The following COLEC11 variants were observed in gnomAD, a reference collection of about 807,000 sequenced individuals.
The protein encoded by COLEC11 is collectin subfamily member 11.
A neutral mutation model predicts 27.3 loss-of-function variants in COLEC11; 20 were observed. The ratio of observed to expected loss-of-function variants is 0.73; its 90% CI spans 0.51 to 1.06. COLEC11 has a LOEUF of 1.06. Ranked by LOEUF, COLEC11 falls within the 50% of genes least tolerant of loss-of-function variation. COLEC11 has a pLI of 0.00. For synonymous variants in COLEC11, 163 were observed against 154.7 expected (o/e 1.05, Z -0.40); for missense variants, 310 against 383.0 (o/e 0.81, Z 1.59).
In COLEC11 at chr2:3,604,202, C is replaced by A. The variant is rs906401505; in HGVS notation, c.-26-113C>A. ...GGAGCACCCGCCATGGGGGCCCAGA[C>A]AGCCCTTCCAGGCACCAGGAGGGCT... On this transcript the variant is annotated intron_variant, in intron 1 of 6. Coordinates refer to ENST00000349077, the MANE Select transcript of COLEC11 (RefSeq NM_024027.5). The A allele has an allele frequency of 3.4e-5, 39 of 1,159,264 alleles. No individual in the cohort carries two copies. In the Admixed American group the frequency reaches 6.9e-4, roughly 20 times the overall value. 71.8% of individuals were successfully genotyped at this position (1,159,264 alleles called of 1,614,324 possible).
chr2:3,600,340 A>G (rs1352740537), intron 1 of COLEC11, among the ~76,000 whole-genome samples: 1 of 152,050 alleles, frequency 6.6e-6, no homozygotes, highest in African/African-American at 2.4e-5. Context: ...AGATCACTTC[A>G]GCCCAGGAGT....
chr2:3,622,638 G>T (rs1321768676), intron 3 of COLEC11, among the ~76,000 whole-genome samples: 7 of 152,112 alleles, frequency 4.6e-5, no homozygotes, highest in Admixed American at 4.6e-4. Flanking sequence ...ACAGGAGTGG[G>T]TTAGTTATCA....
chr2:3,606,649 G>A (rs1410781757), intron 2 of COLEC11, among the ~76,000 whole-genome samples: 1 of 152,236 alleles, frequency 6.6e-6, no homozygotes, highest in Non-Finnish European at 1.5e-5. Flanking sequence ...CAGGCAGCGA[G>A]CCCGACCAGG....
intron 2 of COLEC11, among the ~76,000 whole-genome samples, chr2:3,608,590 A>G (rs932456288): frequency 6.6e-5 from 10 of 152,246 alleles, no homozygotes; most frequent in South Asian, 6.2e-4. Context: ...TGGGAAGCCG[A>G]GGTGGGAGGA....
At chr2:3,642,784 C>T (rs1276459752) in intron 5 of COLEC11, among the ~76,000 whole-genome samples, 2 of 152,306 alleles carry the variant, frequency 1.3e-5, no homozygotes, top group Admixed American at 1.3e-4. Context: ...TGGGCGCGGC[C>T]TGCCTTCCTC....
intron 2 of COLEC11, chr2:3,605,907 C>T (rs1048845728): frequency 1.4e-5 from 9 of 657,496 alleles, no homozygotes; most frequent in East Asian, 3.4e-5. Context: ...TGTGTTAGCC[C>T]TGCTGTTGGA....
chr2:3,618,215 T>A (rs944535952), intron 3 of COLEC11, among the ~76,000 whole-genome samples: 4 of 152,212 alleles, frequency 2.6e-5, no homozygotes, highest in Non-Finnish European at 5.9e-5. Flanking sequence ...ACCACTTATT[T>A]ATTTTTGCTT....
At chr2:3,606,904 A>G (rs1346644591) in intron 2 of COLEC11, among the ~76,000 whole-genome samples, 1 of 152,212 alleles carries the variant, frequency 6.6e-6, no homozygotes, top group African/African-American at 2.4e-5. Flanking sequence ...CCAGCTTCTA[A>G]GGAAACAGAC....
chr2:3,632,822 GA>G (rs1268425432), intron 3 of COLEC11, among the ~76,000 whole-genome samples: 1 of 152,206 alleles, frequency 6.6e-6, no homozygotes, highest in Non-Finnish European at 1.5e-5. Flanking sequence ...CCCACTTGGA[GA>G]GGGGCAGCGT....
At chr2:3,634,202 A>G (rs890616531) in intron 3 of COLEC11, among the ~76,000 whole-genome samples, 1 of 152,218 alleles carries the variant, frequency 6.6e-6, no homozygotes, top group African/African-American at 2.4e-5. Flanking sequence ...GGCTGTGTCC[A>G]TCCTTCCGAG....
In COLEC11 at chr2:3,637,485, C is replaced by T. The variant is rs148763047; in HGVS notation, c.203-48C>T. ...TGCACGTGTGTGATGGAGGAGGCCA[C>T]GGTGTCACCTGTGCATCGACCAACT... On this transcript the variant is annotated intron_variant, in intron 3 of 6. Coordinates refer to ENST00000349077, the MANE Select transcript of COLEC11 (RefSeq NM_024027.5). 8,967 of 1,487,172 alleles carry T rather than the reference C, an allele frequency of 6.0e-3. 230 individuals are homozygous for T. The highest frequency in any genetic ancestry group is 0.052 in the Admixed American group (3,136 of 59,846). The allele number at this position is 1,487,172 out of a possible 1,614,324, so 92.1% of individuals were successfully genotyped here.
intron 3 of COLEC11, among the ~76,000 whole-genome samples, chr2:3,634,719 C>T (rs527723032): frequency 1.2e-4 from 19 of 152,232 alleles, no homozygotes; most frequent in African/African-American, 4.1e-4. Context: ...CTCCAGCAGG[C>T]GCTGGACTCA....
chr2:3,606,502 G>T (rs1327467190), intron 2 of COLEC11, among the ~76,000 whole-genome samples: 2 of 152,224 alleles, frequency 1.3e-5, no homozygotes, highest in African/African-American at 4.8e-5. Flanking sequence ...CTCCTGGTCC[G>T]TGAGGTTGGG....
chr2:3,626,093 G>T (rs1664534280), intron 3 of COLEC11: 1 of 1,612,836 alleles, frequency 6.2e-7, no homozygotes, highest in African/African-American at 1.3e-5. Context: ...GGATCACAGG[G>T]TAATGGATCT....
At position 3,643,452 on chromosome 2, in the gene COLEC11, T is replaced by A. The variant is rs544975854; in HGVS notation, c.337T>A (p.Cys113Ser). Residue 113 changes from cysteine to serine, a missense_variant, in exon 6 of 7, where the codon TGT becomes AGT. By Grantham distance (112) the Cys-to-Ser change is moderately radical (BLOSUM62 -1). Transcript: ENST00000349077. ...GGGCCTGGCCCCCGCAGGCCTCCCA[T>A]GTGAGTGCAGCCAGCTGCGCAAGGC... is the stretch of plus-strand genomic sequence containing the variant. ...PGPNGEPGLP[C>S]ECSQLRKAIG... 1 of 1,613,410 alleles carries A rather than the reference T, an allele frequency of 6.2e-7. No individual in the cohort carries two copies.
Position 3,640,320 on chromosome 2 carries a change from A to G in COLEC11, c.317A>G (p.Asn106Ser). The change falls in exon 5 of 7, where the codon AAT becomes AGT. Residue 106 changes from asparagine to serine, a missense_variant. Coordinates refer to ENST00000349077, the MANE Select transcript of COLEC11 (RefSeq NM_024027.5). ...GGTGACATAGGACCCCCTGGTCCTAATGGAGAACCAGGTATGGCATAAAGG... is the reference window on the plus strand; with the variant it reads ...GGTGACATAGGACCCCCTGGTCCTAGTGGAGAACCAGGTATGGCATAAAGG... ...DSGDIGPPGP[N>S]GEPGLPCECS... The G allele has an allele frequency of 6.3e-7, 1 of 1,581,656 alleles. No individual in the cohort carries two copies. Among genetic ancestry groups the G allele is most frequent in the Non-Finnish European group, 8.7e-7 (1 of 1,150,522 alleles).
intron 4 of COLEC11, among the ~76,000 whole-genome samples, chr2:3,637,931 A>C (rs1299515282): frequency 6.6e-6 from 1 of 152,206 alleles, no homozygotes; most frequent in Non-Finnish European, 1.5e-5. Flanking sequence ...TAACAGACTT[A>C]GAGCCTCACG....
Position 3,602,843 on chromosome 2 carries a change from C to T in COLEC11, c.-26-1472C>T, listed in dbSNP as rs1312644737. Among the ~76,000 whole-genome samples the T allele has an allele frequency of 1.3e-5, 2 of 152,224 alleles. No individual in the cohort carries two copies. Among genetic ancestry groups the T allele is most frequent in the Non-Finnish European group, 2.9e-5 (2 of 68,042 alleles). ...CCTGTCAGCGAGGCTTCCCTGGCAA[C>T]CATCCTGAACAGCAGCATGTGTCCC... On this transcript the variant is annotated intron_variant, in intron 1 of 6. Transcript: ENST00000349077. This position sits in a 1 kb window ranked among gnomAD's most constrained non-coding sequence, Gnocchi z 6.2.
intron 3 of COLEC11, among the ~76,000 whole-genome samples, chr2:3,631,369 C>T (rs1319254942): frequency 6.6e-6 from 1 of 152,236 alleles, no homozygotes; most frequent in Non-Finnish European, 1.5e-5. Flanking sequence ...TGCTTGTTCT[C>T]TTTGTGGAGG....
Sources: allele counts gnomAD v4.1 joint callset (sites outside exome capture counted in the v4.1 genomes callset), GRCh38; gene constraint gnomAD v4.1.1; non-coding constraint Gnocchi (gnomAD v3.1); transcripts MANE v1.5; gene names NCBI Gene and HGNC (gene_info 2026-07-23, HGNC 2026-07-21).